PRPF18: variants seen among roughly 807,000 people sequenced by gnomAD.
PRPF18 encodes pre-mRNA processing factor 18.
In PRPF18, 38 loss-of-function variants were observed where a neutral mutation model predicts 46.5. That is an observed-to-expected ratio of 0.82 (90% CI 0.63 to 1.07). The LOEUF (loss-of-function observed/expected upper bound fraction) is 1.07. Ranked by LOEUF, PRPF18 falls within the 50% of genes least tolerant of loss-of-function variation. PRPF18 has a pLI of 0.00. For synonymous variants in PRPF18, 152 were observed against 146.7 expected (o/e 1.04, Z -0.26); for missense variants, 263 against 410.0 (o/e 0.64, Z 3.10).
the PRPF18 span, chr10:13,637,760 C>A: frequency 6.6e-6 from 1 of 152,154 alleles, no homozygotes; most frequent in Non-Finnish European, 1.5e-5. Context: ...ACAATTCTTC[C>A]TCTTGTTTAA....
chr10:13,603,538 T>C (rs2080145432), intron 3 of PRPF18, among the ~76,000 whole-genome samples: 1 of 152,274 alleles, frequency 6.6e-6, no homozygotes, highest in South Asian at 2.1e-4. Flanking sequence ...AAGCAGTGTT[T>C]TACAGTAATA....
At chr10:13,654,588 GC>G in the PRPF18 span, 1 of 907,038 alleles carries the variant, frequency 1.1e-6, no homozygotes, top group Non-Finnish European at 1.8e-6. Flanking sequence ...CGACTTGTTG[GC>G]TGACACCAAC....
intron 1 of PRPF18, among the ~76,000 whole-genome samples, chr10:13,592,686 T>C (rs1374654095): frequency 1.3e-5 from 2 of 152,320 alleles, no homozygotes; most frequent in Non-Finnish European, 2.9e-5. Flanking sequence ...GAGCCTAGAA[T>C]TGGTGAGTTT....
At chr10:13,605,359 G>A (rs1019419408) in intron 3 of PRPF18, among the ~76,000 whole-genome samples, 10 of 152,026 alleles carry the variant, frequency 6.6e-5, no homozygotes, top group African/African-American at 7.2e-5. Context: ...CGAGGCAGGC[G>A]GATCACAAGG....
intron 6 of PRPF18, among the ~76,000 whole-genome samples, chr10:13,612,197 A>AT (rs942407589): frequency 6.6e-6 from 1 of 152,062 alleles, no homozygotes; most frequent in African/African-American, 2.4e-5. Context: ...CTTGTGGCAT[A>AT]TTTTTTAAAG....
chr10:13,618,246 T>C (rs2133853982), intron 9 of PRPF18, among the ~76,000 whole-genome samples: 1 of 152,194 alleles, frequency 6.6e-6, no homozygotes, highest in Non-Finnish European at 1.5e-5. Flanking sequence ...AGTCTAAAAA[T>C]ACAATATTTA....
chr10:13,636,112 G>A, the PRPF18 span, among the ~76,000 whole-genome samples: 2 of 152,196 alleles, frequency 1.3e-5, no homozygotes, highest in African/African-American at 4.8e-5. Flanking sequence ...AAATAAATGG[G>A]AGGTCAGTTA....
chr10:13,629,755 C>G (rs989415414), intron 9 of PRPF18, among the ~76,000 whole-genome samples: 2 of 152,188 alleles, frequency 1.3e-5, no homozygotes, highest in African/African-American at 4.8e-5. Context: ...GACCACAGAA[C>G]ACAGAAAATA....
intron 9 of PRPF18, among the ~76,000 whole-genome samples, chr10:13,625,163 C>T (rs1239682924): frequency 1.3e-5 from 2 of 152,032 alleles, no homozygotes; most frequent in East Asian, 1.9e-4. Flanking sequence ...GATCCCTTCT[C>T]TACAAAAAAT....
At chr10:13,624,562 G>A (rs1001661531) in intron 9 of PRPF18, among the ~76,000 whole-genome samples, 1 of 152,158 alleles carries the variant, frequency 6.6e-6, no homozygotes, top group Admixed American at 6.5e-5. Flanking sequence ...GCAGAAAATC[G>A]GGTTGCTTTT....
chr10:13,644,000 T>C, the PRPF18 span: 1 of 152,662 alleles, frequency 6.6e-6, no homozygotes, highest in Non-Finnish European at 1.5e-5. Context: ...CATTAATGTA[T>C]ATGTAAAACT....
intron 9 of PRPF18, among the ~76,000 whole-genome samples, chr10:13,621,893 T>A (rs569811014): frequency 1.3e-4 from 20 of 152,352 alleles, no homozygotes; most frequent in African/African-American, 4.6e-4. Context: ...ATGTTTCAGG[T>A]TTTGGCATAT....
downstream of PRPF18, among the ~76,000 whole-genome samples, chr10:13,634,594 G>A (rs11815485): frequency 3.7e-4 from 57 of 152,176 alleles, no homozygotes; most frequent in African/African-American, 1.3e-3. Context: ...TGCAGTCTGC[G>A]CCTGCCTTTC....
intron 9 of PRPF18, among the ~76,000 whole-genome samples, chr10:13,627,330 C>G (rs759530243): frequency 6.6e-6 from 1 of 152,160 alleles, no homozygotes; most frequent in South Asian, 2.1e-4. Context: ...TTCTTCGCTA[C>G]TGTATTTCCA....
chr10:13,592,796 T>C (rs1308304151), intron 1 of PRPF18, among the ~76,000 whole-genome samples: 2 of 152,240 alleles, frequency 1.3e-5, no homozygotes, highest in African/African-American at 2.4e-5. Context: ...GGATGAGCTA[T>C]GTGCAGAATT....
intron 9 of PRPF18, among the ~76,000 whole-genome samples, chr10:13,629,965 A>G (rs980177167): frequency 6.6e-6 from 1 of 152,230 alleles, no homozygotes. Context: ...TTACTGCTGT[A>G]AGATATCCCA....
At chr10:13,649,344 G>C in the PRPF18 span, 1 of 127,814 alleles carries the variant, frequency 7.8e-6, no homozygotes, top group Admixed American at 7.2e-5. Context: ...GGTATGTGAA[G>C]AGCCTAACTG....
At chr10:13,654,521 A>C in the PRPF18 span, 3 of 1,585,882 alleles carry the variant, frequency 1.9e-6, no homozygotes, top group Non-Finnish European at 2.6e-6. Flanking sequence ...AGCTACATGC[A>C]GGTGGTGCAA....
At chr10:13,589,422 A>G (rs1432429980) in intron 1 of PRPF18, among the ~76,000 whole-genome samples, 1 of 152,358 alleles carries the variant, frequency 6.6e-6, no homozygotes, top group South Asian at 2.1e-4. Context: ...TATTAAAAAG[A>G]TATGGCCAAA....
Sources: gnomAD v4.1 joint callset for allele counts (sites outside exome capture counted in the v4.1 genomes callset) on GRCh38, gnomAD v4.1.1 for gene constraint, MANE v1.5 for transcripts, NCBI Gene and HGNC (gene_info 2026-07-23, HGNC 2026-07-21) for gene names.